The following CEP350 variants were observed in gnomAD, a reference collection of about 807,000 sequenced individuals.
The protein encoded by CEP350 is centrosome-associated protein 350.
Under a neutral mutation model 331.8 loss-of-function variants are expected in CEP350, and 126 were observed. The observed-to-expected ratio is 0.38, with a 90% CI of 0.33 to 0.44. The LOEUF (loss-of-function observed/expected upper bound fraction) is 0.44. CEP350 is among the 20% of genes least tolerant of loss of function. The probability of loss-of-function intolerance (pLI) is 1.00; values close to 1 mark genes in which losing one functional copy is unlikely to be tolerated. For missense variants in CEP350, 3,406 were observed against 3,634.6 expected, an observed-to-expected ratio of 0.94 and a Z score of 1.62; for synonymous variants, 1,200 against 1,259.5, an observed-to-expected ratio of 0.95 and a Z score of 1.00.
At chr1:179,972,420 A>G (rs1210307243) in intron 1 of CEP350, among the ~76,000 whole-genome samples, 1 of 152,166 alleles carries the variant, frequency 6.6e-6, no homozygotes, top group Non-Finnish European at 1.5e-5. Context: ...AGTGTTGTGT[A>G]TAGAAGTCAA....
intron 11 of CEP350, among the ~76,000 whole-genome samples, chr1:180,018,734 T>G (rs541088425): frequency 1.8e-4 from 27 of 152,360 alleles, no homozygotes; most frequent in African/African-American, 6.0e-4. Flanking sequence ...GGTCATTTGT[T>G]GGGTCAGCCA....
At chr1:180,077,742 A>G (rs1434007298) in intron 28 of CEP350, among the ~76,000 whole-genome samples, 1 of 151,964 alleles carries the variant, frequency 6.6e-6, no homozygotes, top group East Asian at 1.9e-4. Flanking sequence ...GTGTCATAAG[A>G]TATTAATTCT....
At chr1:179,980,865 T>C (rs762250048) in intron 1 of CEP350, among the ~76,000 whole-genome samples, 4 of 152,156 alleles carry the variant, frequency 2.6e-5, no homozygotes, top group African/African-American at 4.8e-5. Context: ...ACTTTCCTCA[T>C]TCTTAGTCCT....
At chr1:179,982,031 C>A (rs1652305029) in intron 1 of CEP350, among the ~76,000 whole-genome samples, 1 of 151,980 alleles carries the variant, frequency 6.6e-6, no homozygotes, top group Non-Finnish European at 1.5e-5. Flanking sequence ...GAATTATAAA[C>A]CTAAAACAGG....
At chr1:179,996,258 T>TA (rs1280488385) in intron 5 of CEP350, among the ~76,000 whole-genome samples, 4 of 152,194 alleles carry the variant, frequency 2.6e-5, no homozygotes, top group East Asian at 1.9e-4. Flanking sequence ...AATGCTAGCT[T>TA]AGAGTTCTCA....
rs188871183 is a variant in CEP350, at chr1:180,004,424, C to G, written c.1132+1137C>G. 1.6e-4 allele frequency among the ~76,000 whole-genome samples: 25 copies of G among 152,290 alleles called. No individual in the cohort carries two copies. In the East Asian group the frequency reaches 4.6e-3, roughly 28 times the overall value. On this transcript the variant is annotated intron_variant, in intron 7 of 37. Transcript: ENST00000367607. ...TCTTTTGCATGATCAAGTTTTCCCT[C>G]TCTACCAGGTCATGCTCATCAACAT...
intron 19 of CEP350, among the ~76,000 whole-genome samples, chr1:180,042,510 T>C (rs911089588): frequency 1.3e-5 from 2 of 152,136 alleles, no homozygotes; most frequent in African/African-American, 4.8e-5. Context: ...TACTGTGGAG[T>C]TGTACATTTT....
chr1:180,032,188 A>C (rs942140311), intron 15 of CEP350, among the ~76,000 whole-genome samples: 1 of 152,142 alleles, frequency 6.6e-6, no homozygotes, highest in African/African-American at 2.4e-5. Flanking sequence ...TCATTTGTCC[A>C]TATGACTTTT....
At chr1:180,023,801 GTAAT>G (rs1417680080) in intron 13 of CEP350, among the ~76,000 whole-genome samples, 1 of 152,056 alleles carries the variant, frequency 6.6e-6, no homozygotes, top group Non-Finnish European at 1.5e-5. Flanking sequence ...AAATTTATCT[GTAAT>G]TATTCATATT....
chr1:179,981,541 C>T (rs1652271089), intron 1 of CEP350, among the ~76,000 whole-genome samples: 1 of 151,934 alleles, frequency 6.6e-6, no homozygotes, highest in Non-Finnish European at 1.5e-5. Context: ...TCAGTTTCTA[C>T]AAAAATGGTG....
chr1:179,963,419 T>A (rs1187086977), intron 1 of CEP350, among the ~76,000 whole-genome samples: 1 of 152,148 alleles, frequency 6.6e-6, no homozygotes, highest in Non-Finnish European at 1.5e-5. Context: ...CTAGGTTTTT[T>A]AAAATAGGAT....
intron 25 of CEP350, 95 bp downstream of exon 25, chr1:180,054,597 C>G: frequency 1.2e-6 from 1 of 852,618 alleles, no homozygotes; most frequent in South Asian, 1.5e-5. Flanking sequence ...TTATCATTGC[C>G]TTAAATGAGA....
intron 30 of CEP350, among the ~76,000 whole-genome samples, chr1:180,083,082 C>T (rs1198820067): frequency 6.6e-6 from 1 of 152,168 alleles, no homozygotes; most frequent in Non-Finnish European, 1.5e-5. Flanking sequence ...CCATAACTAG[C>T]TCTTACACGG....
chr1:180,102,622 T>C (rs1211733389), intron 37 of CEP350, among the ~76,000 whole-genome samples: 1 of 152,110 alleles, frequency 6.6e-6, no homozygotes, highest in Non-Finnish European at 1.5e-5. Flanking sequence ...TAAAAAAGAA[T>C]AGAAAATAAT....
At chr1:180,016,341 G>GT (rs1654972615) in intron 11 of CEP350, among the ~76,000 whole-genome samples, 2 of 152,140 alleles carry the variant, frequency 1.3e-5, no homozygotes, top group African/African-American at 4.8e-5. Context: ...TTTCTTATGT[G>GT]TAAGAACAAT....
chr1:179,989,796 T>C (rs12130675), intron 3 of CEP350, among the ~76,000 whole-genome samples: 18,220 of 152,218 alleles, frequency 0.12, 1,177 homozygotes, highest in South Asian at 0.16. Flanking sequence ...GCTGTTTGAG[T>C]ACCTATAGTC....
In CEP350 at chr1:180,054,110, G is replaced by C. The variant is rs575476944; in HGVS notation, c.5174+176G>C. On this transcript the variant is annotated intron_variant, in intron 24 of 37. Transcript: ENST00000367607. The stretch of plus-strand genomic sequence containing the variant: ...TCTTTCAAGACCTCCTCCTACCCAC[G>C]TAACATTTTCTTTGCATTCCCCTTT... Among the ~76,000 whole-genome samples the C allele has an allele frequency of 1.6e-4, 24 of 152,172 alleles. No homozygotes were observed. The South Asian group carries it at 4.8e-3, about 30-fold the overall frequency.
At chr1:179,963,260 G>T (rs11811098) in intron 1 of CEP350, among the ~76,000 whole-genome samples, 1 of 151,552 alleles carries the variant, frequency 6.6e-6, no homozygotes, top group Non-Finnish European at 1.5e-5. Flanking sequence ...CCATTCTTTA[G>T]GTTACCTCTT....
intron 21 of CEP350, among the ~76,000 whole-genome samples, chr1:180,045,180 A>G (rs1320213371): frequency 6.6e-6 from 1 of 152,102 alleles, no homozygotes; most frequent in Non-Finnish European, 1.5e-5. Flanking sequence ...CATCTCTACT[A>G]AAAAAACAAA....
Sources: allele counts gnomAD v4.1 joint callset (sites outside exome capture counted in the v4.1 genomes callset), GRCh38; gene constraint gnomAD v4.1.1; transcripts MANE v1.5; gene names NCBI Gene and HGNC (gene_info 2026-07-23, HGNC 2026-07-21).